The following USP25 variants were observed in gnomAD, a reference collection of about 807,000 sequenced individuals.
USP25 encodes the protein ubiquitin specific peptidase 25.
USP25 carries 85 observed loss-of-function variants against 158.5 expected under a neutral mutation model. The observed-to-expected ratio is 0.54, with a 90% confidence interval of 0.45 to 0.64. The LOEUF is 0.64. Among genes scored for constraint, USP25 ranks in the 30% least tolerant of loss-of-function variants. USP25 has a pLI of 0.00. For missense variants in USP25, 1,242 were observed against 1,327.3 expected (o/e 0.94, Z 1.00); for synonymous variants, 464 against 460.4 (o/e 1.01, Z -0.10).
intron 4 of USP25, among the ~76,000 whole-genome samples, chr21:15,789,603 G>T (rs1231155628): frequency 6.6e-6 from 1 of 151,968 alleles, no homozygotes; most frequent in Non-Finnish European, 1.5e-5. Context: ...TTGTCTGTCT[G>T]CACTGGTACT....
At chr21:15,794,021 A>C (rs2035732905) in intron 5 of USP25, among the ~76,000 whole-genome samples, 1 of 151,548 alleles carries the variant, frequency 6.6e-6, no homozygotes, top group Admixed American at 6.6e-5. Flanking sequence ...AGTGAGTTGG[A>C]ACTTACTCAA....
chr21:15,823,273 G>A (rs983484692), intron 10 of USP25, among the ~76,000 whole-genome samples: 9 of 151,828 alleles, frequency 5.9e-5, no homozygotes, highest in Non-Finnish European at 1.2e-4. Flanking sequence ...TATAATTTGA[G>A]GTTGTATATG....
intron 3 of USP25, among the ~76,000 whole-genome samples, chr21:15,774,766 A>G (rs970490465): frequency 5.3e-5 from 8 of 152,216 alleles, no homozygotes; most frequent in African/African-American, 1.9e-4. Context: ...TCTAAAAGAA[A>G]CTGGCTTGGC....
intron 24 of USP25, 27 bp from the exon 25 acceptor site, chr21:15,877,769 C>CT (rs752412491): frequency 8.3e-3 from 10,608 of 1,282,492 alleles, no homozygotes; most frequent in Non-Finnish European, 9.2e-3. Context: ...AAAACCTATT[C>CT]TTTTTTTTTT....
chr21:15,739,890 A>G (rs1198449316), intron 1 of USP25, among the ~76,000 whole-genome samples: 1 of 152,244 alleles, frequency 6.6e-6, no homozygotes, highest in African/African-American at 2.4e-5. Context: ...ATTAATTTCC[A>G]AGGACATCAT....
Position 15,833,488 on chromosome 21 carries a change from T to C in USP25, c.2134T>C (p.Leu712=), listed in dbSNP as rs1189949313. 1.2e-6 allele frequency: 2 copies of C among 1,614,064 alleles called. No individual in the cohort carries two copies. Among genetic ancestry groups the C allele is most frequent in the Non-Finnish European group, 1.7e-6 (2 of 1,179,982 alleles). Residue 712 remains leucine (L), a synonymous_variant, in exon 17 of 26, where the codon TTG becomes CTG. Transcript: ENST00000400183. ...GGATGCACAACTTGCCCAGAAAGCT[T>C]TGCAGGAAAAGCTTTTAGCGTCTCA... ...EWDAQLAQKA[L]QEKLLASQKL...
intron 1 of USP25, among the ~76,000 whole-genome samples, chr21:15,733,436 A>G (rs1368386654): frequency 3.3e-5 from 5 of 152,102 alleles, no homozygotes. Flanking sequence ...TTTAAAAATT[A>G]TTGAGAAACA....
intron 23 of USP25, 30 bp from the exon 24 acceptor site, chr21:15,874,373 A>C: frequency 1.9e-6 from 3 of 1,561,482 alleles, no homozygotes; most frequent in Non-Finnish European, 2.6e-6. Context: ...GTGAAATACT[A>C]ATGTTATATG....
chr21:15,852,977 T>C (rs929372865), intron 20 of USP25, among the ~76,000 whole-genome samples: 2 of 152,158 alleles, frequency 1.3e-5, no homozygotes, highest in African/African-American at 4.8e-5. Context: ...AATTTTTTCG[T>C]ATAAAAAATG....
rs138078844 is a variant in USP25 at position 15,866,292 on chromosome 21, A to G, written c.2753A>G (p.Gln918Arg). ...ERCHNIMKVAQAKLEMIKPEE... is the reference protein window; with the variant it reads ...ERCHNIMKVARAKLEMIKPEE... ...TGTCACAACATAATGAAAGTTGCTCAAGCCAAACTGGAAATGATAAAACCT... is the reference window on the plus strand; with the variant it reads ...TGTCACAACATAATGAAAGTTGCTCGAGCCAAACTGGAAATGATAAAACCT... The change falls in exon 22 of 26, where the codon CAA (glutamine) becomes CGA (arginine). Residue 918 changes from glutamine (Q) to arginine (R), a missense_variant. By Grantham distance (43) the Gln-to-Arg change is conservative. Transcript: ENST00000400183. The G allele has an allele frequency of 6.2e-6, 10 of 1,604,964 alleles. No homozygotes were observed. The South Asian group carries it at 1.0e-4, about 16-fold the overall frequency.
Position 15,780,115 on chromosome 21 carries a change from C to G in USP25, c.392+2088C>G, listed in dbSNP as rs144333526. Among the ~76,000 whole-genome samples the G allele has an allele frequency of 3.9e-4, 59 of 152,202 alleles. 2 individuals carry two copies. The East Asian group carries it at 7.9e-3, about 20-fold the overall frequency. On this transcript the variant is annotated intron_variant, in intron 4 of 25. Transcript: ENST00000400183. Reference sequence around the variant, plus strand: ...ATTATGCTTAAAAGTAAATTAACTCCTTCTTCATTACTGAAGTTGATATAG... The same window carrying G: ...ATTATGCTTAAAAGTAAATTAACTCGTTCTTCATTACTGAAGTTGATATAG...
intron 8 of USP25, among the ~76,000 whole-genome samples, chr21:15,809,237 A>G (rs1568833005): frequency 6.6e-6 from 1 of 152,176 alleles, no homozygotes; most frequent in Non-Finnish European, 1.5e-5. Flanking sequence ...GTAGCAGTGC[A>G]TGTGAGCAAG....
Position 15,730,445 on chromosome 21 carries a change from C to T in USP25, c.45+7C>T. 4 of 1,358,806 alleles carry T rather than the reference C, an allele frequency of 2.9e-6. No individual in the cohort carries two copies. The highest frequency in any genetic ancestry group is 2.9e-6 in the Non-Finnish European group (3 of 1,046,726). The allele number at this position is 1,358,806 out of a possible 1,614,324, so 84.2% of individuals were successfully genotyped here. A position where few individuals can be genotyped will look rare whatever the true frequency, so the allele number is the denominator to read the frequency against. On this transcript the variant is annotated splice_region_variant and intron_variant, in intron 1 of 25. Transcript: ENST00000400183. ...GCAGAGCGCGGCGCAGAAGGTGAGGCGAGTCCGCCAGCCGGCGGGCCCCAC... is the reference window on the plus strand; with the variant it reads ...GCAGAGCGCGGCGCAGAAGGTGAGGTGAGTCCGCCAGCCGGCGGGCCCCAC...
chr21:15,833,640 G>A (rs2037919722), intron 17 of USP25, 92 bp downstream of exon 17: 2 of 1,131,118 alleles, frequency 1.8e-6, no homozygotes, highest in Non-Finnish European at 2.5e-6. Flanking sequence ...CTATCTTAAA[G>A]TGTGAGGAAA....
At position 15,861,838 on chromosome 21, in the gene USP25, A is replaced by G. The variant is rs533524825; in HGVS notation, c.2548-2430A>G. 7.2e-5 allele frequency among the ~76,000 whole-genome samples: 11 copies of G among 152,248 alleles called. No homozygotes were observed. The South Asian group carries it at 1.5e-3, about 20-fold the overall frequency. ...ATGTTTTCTTGTGTGATTGAAAAAC[A>G]GCTCCTAGAAATTTAGAAGTGTCTT... On this transcript the variant is annotated intron_variant, in intron 20 of 25. Coordinates refer to ENST00000400183, the MANE Select transcript of USP25 (RefSeq NM_001283041.3).
chr21:15,846,780 T>C (rs577107130), intron 18 of USP25, among the ~76,000 whole-genome samples: 1 of 152,290 alleles, frequency 6.6e-6, no homozygotes, highest in South Asian at 2.1e-4. Context: ...TAGTTATAAA[T>C]ATGTTGAATA....
At chr21:15,769,891 C>T (rs1398340371) in intron 3 of USP25, among the ~76,000 whole-genome samples, 1 of 151,982 alleles carries the variant, frequency 6.6e-6, no homozygotes, top group Non-Finnish European at 1.5e-5. Flanking sequence ...CACATATTGA[C>T]TCAAGTTTTA....
chr21:15,811,598 CTT>C (rs1473927646), intron 9 of USP25, among the ~76,000 whole-genome samples: 1 of 152,080 alleles, frequency 6.6e-6, no homozygotes, highest in Non-Finnish European at 1.5e-5. Flanking sequence ...AATTTAGCAA[CTT>C]AGCATAGTCA....
intron 18 of USP25, among the ~76,000 whole-genome samples, 199 bp from the exon 19 acceptor site, chr21:15,847,464 C>T (rs963176040): frequency 6.6e-6 from 1 of 152,144 alleles, no homozygotes; most frequent in Admixed American, 6.5e-5. Context: ...GATACCAAGT[C>T]AATGCAGGTA....
Sources: gnomAD v4.1 joint callset for allele counts (sites outside exome capture counted in the v4.1 genomes callset) on GRCh38, gnomAD v4.1.1 for gene constraint, MANE v1.5 for transcripts, NCBI Gene and HGNC (gene_info 2026-07-23, HGNC 2026-07-21) for gene names.